SLC44A5: variants seen among roughly 807,000 people sequenced by gnomAD.
SLC44A5 encodes the protein solute carrier family 44 member 5.
SLC44A5 carries 57 observed loss-of-function variants against 101.8 expected under a neutral mutation model. The ratio of observed to expected loss-of-function variants is 0.56; its 90% CI spans 0.45 to 0.70. The LOEUF (loss-of-function observed/expected upper bound fraction) is 0.70, where lower values mean the gene tolerates loss of function less well. Among genes scored for constraint, SLC44A5 ranks in the 30% least tolerant of loss-of-function variants. SLC44A5 has a pLI of 0.00. For missense variants in SLC44A5, 737 were observed against 853.1 expected, an observed-to-expected ratio of 0.86 and a Z score of 1.70; for synonymous variants, 281 against 290.9, an observed-to-expected ratio of 0.97 and a Z score of 0.35.
the SLC44A5 span, among the ~76,000 whole-genome samples, chr1:75,654,138 C>A: frequency 6.6e-6 from 1 of 152,006 alleles, no homozygotes; most frequent in Non-Finnish European, 1.5e-5. Context: ...TTAATTGTTA[C>A]AATAAAAATA....
chr1:75,537,033 A>AAAAAAAAAAAAATATATATATAT (rs35829590), intron 2 of SLC44A5, among the ~76,000 whole-genome samples: 5 of 43,036 alleles, frequency 1.2e-4, no homozygotes, highest in Admixed American at 3.6e-4. Context: ...AAAAAAAAAA[A>AAAAAAAAAAAAATATATATATAT]ATATATATCT....
chr1:75,554,080 G>A (rs1672089140), intron 1 of SLC44A5, among the ~76,000 whole-genome samples: 1 of 152,180 alleles, frequency 6.6e-6, no homozygotes, highest in Non-Finnish European at 1.5e-5. Context: ...AAAAGTGTAT[G>A]TAAGGCACAA....
chr1:75,465,005 A>G (rs992313011), intron 2 of SLC44A5, among the ~76,000 whole-genome samples: 10 of 152,186 alleles, frequency 6.6e-5, no homozygotes, highest in African/African-American at 2.4e-4. Context: ...ACAAAGAAAC[A>G]TCATACTTCA....
In SLC44A5 at chr1:75,300,657, T is replaced by C; in HGVS notation, c.130A>G (p.Ile44Val). Reference sequence around the variant, plus strand: ...TAGCCAATAATACACAGTAGGAAGATCATACAGCACAGAACATCTGTACAA... The same window carrying C: ...TAGCCAATAATACACAGTAGGAAGACCATACAGCACAGAACATCTGTACAA... Reference protein sequence around the residue: ...RSCTDVLCCMIFLLCIIGYIV... With the variant: ...RSCTDVLCCMVFLLCIIGYIV... Residue 44 changes from isoleucine to valine, a missense_variant, in exon 5 of 24, where the codon ATC becomes GTC. Ile to Val is a conservative substitution (Grantham distance 29, BLOSUM62 3). Transcript: ENST00000370859. The C allele has an allele frequency of 6.2e-7, 1 of 1,606,156 alleles. No homozygotes were observed. Among genetic ancestry groups the C allele is most frequent in the South Asian group, 1.1e-5 (1 of 89,494 alleles).
chr1:75,716,983 G>A, the SLC44A5 span, among the ~76,000 whole-genome samples: 2 of 151,598 alleles, frequency 1.3e-5, no homozygotes, highest in Non-Finnish European at 2.9e-5. Context: ...GCAGTGAGCC[G>A]AGATCGCGCC....
chr1:75,617,257 C>T, the SLC44A5 span, among the ~76,000 whole-genome samples: 1 of 152,200 alleles, frequency 6.6e-6, no homozygotes, highest in African/African-American at 2.4e-5. Flanking sequence ...CTCCTTTCCT[C>T]CTCCTAGGTT....
chr1:75,386,114 C>T (rs868164530), intron 3 of SLC44A5, among the ~76,000 whole-genome samples: 6 of 151,494 alleles, frequency 4.0e-5, no homozygotes, highest in Non-Finnish European at 7.4e-5. Context: ...ACTGAATGGG[C>T]AAAAACTGGA....
chr1:75,396,486 A>G, intron 3 of SLC44A5, 97 bp downstream of exon 3: 1 of 1,010,128 alleles, frequency 9.9e-7, no homozygotes, highest in Non-Finnish European at 1.5e-6. Context: ...CCAAACAAAT[A>G]TTTCGCTATT....
At chr1:75,475,167 C>G (rs899194487) in intron 2 of SLC44A5, among the ~76,000 whole-genome samples, 3 of 152,194 alleles carry the variant, frequency 2.0e-5, no homozygotes, top group Admixed American at 6.5e-5. Flanking sequence ...CGCCTCATCT[C>G]TTAAATATTC....
intron 6 of SLC44A5, among the ~76,000 whole-genome samples, chr1:75,270,794 C>T (rs1047608592): frequency 2.0e-5 from 3 of 152,072 alleles, no homozygotes; most frequent in Non-Finnish European, 2.9e-5. Context: ...TTGAATAATA[C>T]TTTAATGAAC....
intron 1 of SLC44A5, among the ~76,000 whole-genome samples, chr1:75,543,508 A>C (rs1301326991): frequency 6.6e-6 from 1 of 151,468 alleles, no homozygotes; most frequent in African/African-American, 2.4e-5. Context: ...TGCCCCTCGC[A>C]ACTGTCAGAG....
chr1:75,659,491 AGG>A, the SLC44A5 span, among the ~76,000 whole-genome samples: 3 of 45,636 alleles, frequency 6.6e-5, no homozygotes, highest in African/African-American at 1.7e-4. Flanking sequence ...GAAGGAAGGA[AGG>A]CAGGCAGGCA....
the SLC44A5 span, among the ~76,000 whole-genome samples, chr1:75,673,153 G>T: frequency 7.2e-5 from 11 of 152,260 alleles, no homozygotes; most frequent in Admixed American, 6.5e-4. Context: ...GGCTCTTGGG[G>T]TCTCTGATTC....
At chr1:75,220,226 C>T (rs188619122) in intron 14 of SLC44A5, among the ~76,000 whole-genome samples, 63 of 152,202 alleles carry the variant, frequency 4.1e-4, no homozygotes, top group Middle Eastern at 6.8e-3. Context: ...CCTTGAAGAT[C>T]ATGTGTCACA....
chr1:75,373,703 C>A (rs1053001684), intron 3 of SLC44A5, among the ~76,000 whole-genome samples: 7 of 152,156 alleles, frequency 4.6e-5, no homozygotes, highest in African/African-American at 1.7e-4. Context: ...CCTAAGACAA[C>A]CTGCCTGGCT....
chr1:75,453,511 C>T (rs146347388), intron 2 of SLC44A5, among the ~76,000 whole-genome samples: 13 of 152,060 alleles, frequency 8.5e-5, no homozygotes, highest in Admixed American at 3.3e-4. Context: ...CCAAACCTAA[C>T]GGAAGAAAAG....
At chr1:75,219,672 G>T in intron 15 of SLC44A5, 128 bp downstream of exon 15, 1 of 638,262 alleles carries the variant, frequency 1.6e-6, no homozygotes, top group Non-Finnish European at 2.7e-6. Flanking sequence ...TTAGAGCTTG[G>T]GAAAAAAATA....
chr1:75,612,960 G>C (rs1675719823), upstream of SLC44A5, among the ~76,000 whole-genome samples: 1 of 152,162 alleles, frequency 6.6e-6, no homozygotes, highest in Non-Finnish European at 1.5e-5. Context: ...CTTTCTGAAA[G>C]ACTGTCCTTT....
intron 12 of SLC44A5, among the ~76,000 whole-genome samples, chr1:75,232,304 A>C (rs1160381415): frequency 6.6e-6 from 1 of 152,168 alleles, no homozygotes; most frequent in Non-Finnish European, 1.5e-5. Flanking sequence ...ACATCAGTTA[A>C]GTCAATAGCA....
Sources: allele counts gnomAD v4.1 joint callset (sites outside exome capture counted in the v4.1 genomes callset), GRCh38; gene constraint gnomAD v4.1.1; transcripts MANE v1.5; gene names NCBI Gene and HGNC (gene_info 2026-07-23, HGNC 2026-07-21).